The following PRKCA variants were observed in gnomAD, a reference collection of about 807,000 sequenced individuals.
PRKCA encodes protein kinase C alpha type.
A neutral mutation model predicts 87.0 loss-of-function variants in PRKCA; 27 were observed. The observed-to-expected ratio is 0.31, with a 90% CI of 0.23 to 0.43. The LOEUF (loss-of-function observed/expected upper bound fraction) is 0.43. Ranked by LOEUF, PRKCA falls within the 20% of genes least tolerant of loss-of-function variation. The pLI is 1.00. For missense variants in PRKCA, 518 were observed against 852.3 expected (o/e 0.61, Z 4.88); for synonymous variants, 329 against 311.1 (o/e 1.06, Z -0.61).
intron 8 of PRKCA, among the ~76,000 whole-genome samples, chr17:66,730,070 T>C (rs1332381648): frequency 6.6e-6 from 1 of 152,142 alleles, no homozygotes; most frequent in Non-Finnish European, 1.5e-5. Context: ...GGATTACAGG[T>C]GTGAACCACC....
chr17:66,347,940 CCT>C (rs1907495249), intron 2 of PRKCA, among the ~76,000 whole-genome samples: 1 of 12,186 alleles, frequency 8.2e-5, no homozygotes, highest in African/African-American at 1.2e-4. Flanking sequence ...GAATTCTGAA[CCT>C]TTTTTTTTTT....
At chr17:66,336,671 A>AATTATTAAACATTTGCCTATATAGTAC (rs1906696891) in intron 2 of PRKCA, among the ~76,000 whole-genome samples, 1 of 138,992 alleles carries the variant, frequency 7.2e-6, no homozygotes, top group Non-Finnish European at 1.5e-5. Context: ...CTATATAGTA[A>AATTATTAAACATTTGCCTATATAGTAC]ATTATTAAAC....
chr17:66,652,243 G>A (rs1971608784), intron 5 of PRKCA, among the ~76,000 whole-genome samples: 2 of 152,190 alleles, frequency 1.3e-5, no homozygotes, highest in Admixed American at 6.5e-5. Context: ...ACAGGCGTGA[G>A]CCACCGTGCC....
At chr17:66,400,272 C>T (rs1458279881) in intron 2 of PRKCA, among the ~76,000 whole-genome samples, 1 of 152,200 alleles carries the variant, frequency 6.6e-6, no homozygotes, top group Non-Finnish European at 1.5e-5. Context: ...GTGCCTTAGC[C>T]ACCTGAGTAG....
At chr17:66,667,135 C>T (rs932482856) in intron 5 of PRKCA, among the ~76,000 whole-genome samples, 2 of 152,176 alleles carry the variant, frequency 1.3e-5, no homozygotes, top group South Asian at 2.1e-4. Context: ...TCCCTTCCCC[C>T]ACCTCTGCCA....
intron 5 of PRKCA, among the ~76,000 whole-genome samples, chr17:66,652,713 G>C (rs187253209): frequency 2.0e-5 from 3 of 152,166 alleles, no homozygotes; most frequent in Non-Finnish European, 2.9e-5. Flanking sequence ...TGATATCTAT[G>C]TCTGAAGCTT....
chr17:66,629,148 A>T (rs1206038382), intron 3 of PRKCA, among the ~76,000 whole-genome samples: 6 of 152,252 alleles, frequency 3.9e-5, no homozygotes, highest in Non-Finnish European at 2.9e-5. Flanking sequence ...CTAAAGAGAC[A>T]GTCCTGCCGA....
At chr17:66,537,118 A>G (rs1171015571) in intron 3 of PRKCA, among the ~76,000 whole-genome samples, 1 of 152,194 alleles carries the variant, frequency 6.6e-6, no homozygotes, top group Non-Finnish European at 1.5e-5. Flanking sequence ...GTAGTAATTT[A>G]GCATGCGTCC....
At chr17:66,421,448 T>TA (rs1912490138) in intron 2 of PRKCA, among the ~76,000 whole-genome samples, 1 of 127,530 alleles carries the variant, frequency 7.8e-6, no homozygotes. Context: ...TTTTTTTTTT[T>TA]ATAGCTCTAT....
In PRKCA at chr17:66,792,161, G is replaced by A. The variant is rs1009833291; in HGVS notation, c.1854+3182G>A. Among the ~76,000 whole-genome samples the A allele has an allele frequency of 6.6e-6, 1 of 152,200 alleles. No individual in the cohort carries two copies. The highest frequency in any genetic ancestry group is 1.5e-5 in the Non-Finnish European group (1 of 68,014). On this transcript the variant is annotated intron_variant, in intron 16 of 16. Transcript: ENST00000413366. The surrounding 1 kb of genome is among the most constrained non-coding windows in gnomAD (Gnocchi z 4.5). ...TCTGCCTGATGGTTTTTTAGCAAGC[G>A]CTGGTGAGTCAGTTTCCCTGAGACT...
At chr17:66,552,442 C>T (rs750403374) in intron 3 of PRKCA, among the ~76,000 whole-genome samples, 35 of 152,344 alleles carry the variant, frequency 2.3e-4, no homozygotes, top group Middle Eastern at 6.8e-3. Flanking sequence ...GGGTTTCTCC[C>T]GGGCTGCAGC....
At chr17:66,688,754 G>T (rs1219642252) in intron 7 of PRKCA, among the ~76,000 whole-genome samples, 197 bp from the exon 8 acceptor site, 1 of 152,128 alleles carries the variant, frequency 6.6e-6, no homozygotes, top group Non-Finnish European at 1.5e-5. Context: ...AGTGAGCTTT[G>T]ATTCCGCCAC....
At chr17:66,502,331 T>A (rs1916771683) in intron 3 of PRKCA, among the ~76,000 whole-genome samples, 1 of 151,548 alleles carries the variant, frequency 6.6e-6, no homozygotes, top group Non-Finnish European at 1.5e-5. Context: ...ACCTCCCGGA[T>A]TCAAGCGATT....
At chr17:66,626,244 G>A (rs1387801669) in intron 3 of PRKCA, among the ~76,000 whole-genome samples, 1 of 149,942 alleles carries the variant, frequency 6.7e-6, no homozygotes, top group Non-Finnish European at 1.5e-5. Context: ...TCATCCAGCA[G>A]TGGCATGATC....
At chr17:66,480,899 T>C (rs879895820) in intron 2 of PRKCA, among the ~76,000 whole-genome samples, 1 of 152,184 alleles carries the variant, frequency 6.6e-6, no homozygotes, top group Non-Finnish European at 1.5e-5. Context: ...TCTTGGTCAA[T>C]GTGAATTGCG....
chr17:66,545,706 A>G (rs1293299672), intron 3 of PRKCA, among the ~76,000 whole-genome samples: 1 of 152,200 alleles, frequency 6.6e-6, no homozygotes, highest in Non-Finnish European at 1.5e-5. Context: ...AAATTTTATC[A>G]CTACAAATAC....
intron 11 of PRKCA, 57 bp downstream of exon 11, chr17:66,738,912 A>G: frequency 1.5e-6 from 2 of 1,323,304 alleles, no homozygotes; most frequent in East Asian, 2.6e-5. Flanking sequence ...CCAACTGGAA[A>G]CTTCCTTTTT....
At position 66,529,377 on chromosome 17, in the gene PRKCA, C is replaced by A. The variant is rs1370951653; in HGVS notation, c.288+33094C>A. Among the ~76,000 whole-genome samples, 4 of 152,162 alleles carry A rather than the reference C, an allele frequency of 2.6e-5. No individual in the cohort carries two copies. The East Asian group carries it at 7.7e-4, about 29-fold the overall frequency. ...TGAGTTCAAAGAGTCATTTCTTCAT[C>A]TTACCTCCAGCACTGCAGGGCCGTG... On this transcript the variant is annotated intron_variant, in intron 3 of 16. Transcript: ENST00000413366.
intron 10 of PRKCA, among the ~76,000 whole-genome samples, chr17:66,738,367 C>T (rs1178583655): frequency 6.6e-6 from 1 of 152,204 alleles, no homozygotes; most frequent in East Asian, 1.9e-4. Flanking sequence ...AGCCTTTAAA[C>T]ATTTGGACCA....
Sources: allele counts gnomAD v4.1 joint callset (sites outside exome capture counted in the v4.1 genomes callset), GRCh38; gene constraint gnomAD v4.1.1; non-coding constraint Gnocchi (gnomAD v3.1); transcripts MANE v1.5; gene names NCBI Gene and HGNC (gene_info 2026-07-23, HGNC 2026-07-21).